Variants in DENND1A observed in about 807,000 individuals in gnomAD.
DENND1A encodes the protein DENN domain-containing protein 1A.
Under a neutral mutation model 113.7 loss-of-function variants are expected in DENND1A, and 51 were observed. The ratio of observed to expected loss-of-function variants is 0.45; its 90% CI spans 0.36 to 0.57. DENND1A has a LOEUF of 0.57. Ranked by LOEUF, DENND1A falls within the 20% of genes least tolerant of loss-of-function variation. DENND1A has a pLI of 0.00. For missense variants in DENND1A, 1,258 were observed against 1,395.9 expected (o/e 0.90, Z 1.57); for synonymous variants, 565 against 570.8 (o/e 0.99, Z 0.14).
intron 9 of DENND1A, among the ~76,000 whole-genome samples, chr9:123,639,387 A>C (rs2061900866): frequency 6.6e-6 from 1 of 150,604 alleles, no homozygotes; most frequent in Non-Finnish European, 1.5e-5. Flanking sequence ...TGCAGTGAGC[A>C]AAGATAACCC....
intron 18 of DENND1A, among the ~76,000 whole-genome samples, chr9:123,450,298 T>C (rs554313317): frequency 6.6e-6 from 1 of 152,290 alleles, no homozygotes; most frequent in East Asian, 1.9e-4. Context: ...ATGGCAATCA[T>C]TCCCTAGAGA....
intron 20 of DENND1A, among the ~76,000 whole-genome samples, chr9:123,410,581 G>A (rs10760285): frequency 0.49 from 74,745 of 151,982 alleles, 20,302 homozygotes; most frequent in Non-Finnish European, 0.64. Flanking sequence ...CACCCACAGC[G>A]GGGAAGGGAA....
rs180974646 is a variant in DENND1A, at chr9:123,764,612, C to T, written c.182+4902G>A. On this transcript the variant is annotated intron_variant, in intron 4 of 23. Transcript: ENST00000394215. This position sits in a 1 kb window ranked among gnomAD's most constrained non-coding sequence, Gnocchi z 4.1. ...CTTCGAGACAGAACGCAATGCCTAC[C>T]TGCTGGAGAAACTCACCAGACAATT... Among the ~76,000 whole-genome samples the T allele has an allele frequency of 6.6e-6, 1 of 152,200 alleles. No homozygotes were observed. The highest frequency in any genetic ancestry group is 1.9e-4 in the East Asian group (1 of 5,200).
chr9:123,515,691 A>T (rs2053835863), intron 13 of DENND1A, among the ~76,000 whole-genome samples: 1 of 152,196 alleles, frequency 6.6e-6, no homozygotes, highest in Non-Finnish European at 1.5e-5. Context: ...TAATTAATAT[A>T]ACTTAAAGAT....
chr9:123,477,055 G>C (rs1477552563), intron 13 of DENND1A, among the ~76,000 whole-genome samples: 1 of 152,256 alleles, frequency 6.6e-6, no homozygotes, highest in East Asian at 1.9e-4. Context: ...CAAGGAAGCT[G>C]GTCTCACTAC....
intron 5 of DENND1A, among the ~76,000 whole-genome samples, chr9:123,741,613 G>C (rs2131097559): frequency 6.6e-6 from 1 of 152,302 alleles, no homozygotes; most frequent in South Asian, 2.1e-4. Context: ...GATAGGAAAG[G>C]AGAAGAAATT....
chr9:123,612,215 G>C (rs1234562014), intron 10 of DENND1A, among the ~76,000 whole-genome samples: 1 of 152,194 alleles, frequency 6.6e-6, no homozygotes, highest in Non-Finnish European at 1.5e-5. Context: ...CGAATTCCAA[G>C]TGGTGAGAGG....
intron 21 of DENND1A, chr9:123,402,558 T>G: frequency 1.9e-6 from 1 of 534,800 alleles, no homozygotes; most frequent in Non-Finnish European, 3.8e-6. Flanking sequence ...CCTGGGGTAG[T>G]TTTTCTGACT....
chr9:123,873,639 G>A (rs1054606670), intron 2 of DENND1A, among the ~76,000 whole-genome samples: 5 of 152,110 alleles, frequency 3.3e-5, no homozygotes, highest in Admixed American at 6.5e-5. Context: ...AAAAATCACC[G>A]ATGAGGAATC....
intron 13 of DENND1A, among the ~76,000 whole-genome samples, chr9:123,472,439 C>G (rs941167889): frequency 3.3e-5 from 5 of 152,188 alleles, no homozygotes; most frequent in African/African-American, 1.2e-4. Context: ...GCTGGTTCCC[C>G]TCTTCCTCAT....
chr9:123,575,274 G>A (rs1219545358), intron 12 of DENND1A, among the ~76,000 whole-genome samples: 1 of 152,044 alleles, frequency 6.6e-6, no homozygotes, highest in African/African-American at 2.4e-5. Flanking sequence ...TTCACAACAG[G>A]GTTCATGGTC....
chr9:123,487,948 G>T (rs971793173), intron 13 of DENND1A, among the ~76,000 whole-genome samples: 1 of 152,120 alleles, frequency 6.6e-6, no homozygotes, highest in African/African-American at 2.4e-5. Context: ...TTCCTTCAAG[G>T]CCCAGCCAGT....
chr9:123,693,517 C>T (rs1054315166), intron 5 of DENND1A, among the ~76,000 whole-genome samples: 2 of 152,038 alleles, frequency 1.3e-5, no homozygotes, highest in Non-Finnish European at 2.9e-5. Flanking sequence ...CCTATAATTT[C>T]GCTTTTTTTT....
intron 19 of DENND1A, among the ~76,000 whole-genome samples, chr9:123,423,717 ACTT>A (rs1327321795): frequency 1.3e-5 from 2 of 152,094 alleles, no homozygotes; most frequent in African/African-American, 4.8e-5. Flanking sequence ...TTTATACAGT[ACTT>A]CTATTTCCAT....
chr9:123,753,162 C>G (rs1403206794), intron 5 of DENND1A, among the ~76,000 whole-genome samples: 1 of 152,182 alleles, frequency 6.6e-6, no homozygotes, highest in Non-Finnish European at 1.5e-5. Flanking sequence ...CTTCATAAAA[C>G]AAGTACTAGC....
chr9:123,868,173 AT>A (rs1165240719), intron 2 of DENND1A, among the ~76,000 whole-genome samples: 1 of 152,198 alleles, frequency 6.6e-6, no homozygotes, highest in African/African-American at 2.4e-5. Flanking sequence ...GATTGATGTC[AT>A]TGACACGATC....
chr9:123,873,671 T>C (rs868104608), intron 2 of DENND1A, among the ~76,000 whole-genome samples: 6 of 152,208 alleles, frequency 3.9e-5, no homozygotes, highest in South Asian at 4.1e-4. Flanking sequence ...TTAACTTTTC[T>C]GAATATTAAT....
chr9:123,885,101 T>C (rs7048592), intron 1 of DENND1A, among the ~76,000 whole-genome samples: 44,312 of 151,460 alleles, frequency 0.29, 10,306 homozygotes, highest in African/African-American at 0.65. Flanking sequence ...TGCCCCACCT[T>C]TATGCTCCCA....
intron 1 of DENND1A, among the ~76,000 whole-genome samples, chr9:123,896,365 C>T (rs751773440): frequency 6.6e-6 from 1 of 151,490 alleles, no homozygotes; most frequent in African/African-American, 2.4e-5. Flanking sequence ...GAATTTAAAC[C>T]GAAGTGGTCC....
Sources: gnomAD v4.1 joint callset for allele counts (sites outside exome capture counted in the v4.1 genomes callset) on GRCh38, gnomAD v4.1.1 for gene constraint, Gnocchi (gnomAD v3.1) non-coding constraint, MANE v1.5 for transcripts, NCBI Gene and HGNC (gene_info 2026-07-23, HGNC 2026-07-21) for gene names.